Variants in SMAP1 observed in about 807,000 individuals in gnomAD.
The protein encoded by SMAP1 is small ArfGAP 1.
Under a neutral mutation model 58.5 loss-of-function variants are expected in SMAP1, and 24 were observed. That is an observed-to-expected ratio of 0.41 (90% CI 0.30 to 0.58). The LOEUF (loss-of-function observed/expected upper bound fraction) is 0.58. Ranked by LOEUF, SMAP1 falls within the 20% of genes least tolerant of loss-of-function variation. The pLI is 0.29. For synonymous variants in SMAP1, 216 were observed against 196.6 expected (o/e 1.10, Z -0.82); for missense variants, 563 against 566.3 (o/e 0.99, Z 0.06).
chr6:70,668,825 G>T, intron 1 of SMAP1: 1 of 1,232,582 alleles, frequency 8.1e-7, no homozygotes, highest in Non-Finnish European at 1.1e-6. Flanking sequence ...TTCATTACAT[G>T]AGTCTCTTGG....
At chr6:70,829,796 A>T (rs1387829145) in intron 6 of SMAP1, among the ~76,000 whole-genome samples, 1 of 152,236 alleles carries the variant, frequency 6.6e-6, no homozygotes, top group Non-Finnish European at 1.5e-5. Flanking sequence ...AAAATTGTAT[A>T]GCTTTCCTAT....
chr6:70,758,538 T>G (rs923996639), intron 3 of SMAP1, among the ~76,000 whole-genome samples: 1 of 151,578 alleles, frequency 6.6e-6, no homozygotes, highest in East Asian at 1.9e-4. Context: ...AATAAATAAA[T>G]AAAAATAAAA....
chr6:70,668,811 G>A (rs1313092760), intron 1 of SMAP1: 24 of 1,371,878 alleles, frequency 1.7e-5, no homozygotes, highest in Middle Eastern at 1.9e-4. Context: ...GAATGAAGAG[G>A]AATTTCATTA....
chr6:70,685,145 G>A (rs1766882908), intron 1 of SMAP1, among the ~76,000 whole-genome samples: 1 of 151,642 alleles, frequency 6.6e-6, no homozygotes, highest in Admixed American at 6.6e-5. Context: ...TTTTTTTTGA[G>A]CACTCATTCA....
chr6:70,775,692 GT>G (rs1215817747), intron 4 of SMAP1, among the ~76,000 whole-genome samples: 4 of 152,052 alleles, frequency 2.6e-5, no homozygotes, highest in Non-Finnish European at 5.9e-5. Flanking sequence ...AGGCTTGAGA[GT>G]AAAAATTTTA....
chr6:70,687,560 G>A (rs1766984852), intron 1 of SMAP1, among the ~76,000 whole-genome samples: 1 of 152,028 alleles, frequency 6.6e-6, no homozygotes, highest in Non-Finnish European at 1.5e-5. Flanking sequence ...TGAGATAATA[G>A]CTTCTTTACT....
intron 6 of SMAP1, among the ~76,000 whole-genome samples, chr6:70,827,151 T>A (rs1475397627): frequency 6.6e-6 from 1 of 152,132 alleles, no homozygotes; most frequent in African/African-American, 2.4e-5. Context: ...GGAAGTTCTC[T>A]GCTTTCTTCA....
intron 1 of SMAP1, among the ~76,000 whole-genome samples, chr6:70,678,330 A>C (rs897811659): frequency 4.6e-5 from 7 of 152,198 alleles, no homozygotes; most frequent in African/African-American, 1.7e-4. Context: ...TAAACTTAAG[A>C]AAATAAGGGG....
At chr6:70,769,564 A>G (rs998374430) in intron 3 of SMAP1, among the ~76,000 whole-genome samples, 13 of 152,150 alleles carry the variant, frequency 8.5e-5, no homozygotes, top group South Asian at 2.1e-4. Context: ...ATCAGAGACT[A>G]GGATTGCAAC....
At chr6:70,680,972 C>T (rs1006308939) in intron 1 of SMAP1, among the ~76,000 whole-genome samples, 1 of 151,972 alleles carries the variant, frequency 6.6e-6, no homozygotes, top group African/African-American at 2.4e-5. Context: ...CCCGCCTTAG[C>T]CTCCCACAGT....
At chr6:70,668,417 C>A in intron 1 of SMAP1, 1 of 1,130,136 alleles carries the variant, frequency 8.8e-7, no homozygotes, top group Non-Finnish European at 1.2e-6. Context: ...GGTAGCGATG[C>A]TCGGACCCTC....
At chr6:70,769,678 C>T (rs1767182368) in intron 3 of SMAP1, among the ~76,000 whole-genome samples, 3 of 152,190 alleles carry the variant, frequency 2.0e-5, no homozygotes, top group African/African-American at 7.2e-5. Context: ...CTGAATACAG[C>T]ACACTGATGG....
chr6:70,790,226 C>T (rs930150785), intron 4 of SMAP1, among the ~76,000 whole-genome samples: 4 of 152,052 alleles, frequency 2.6e-5, no homozygotes, highest in Non-Finnish European at 4.4e-5. Flanking sequence ...CTGCAACCTC[C>T]GCCTCCCAGG....
intron 2 of SMAP1, among the ~76,000 whole-genome samples, chr6:70,735,579 G>A (rs1024957154): frequency 6.6e-6 from 1 of 152,160 alleles, no homozygotes; most frequent in Non-Finnish European, 1.5e-5. Context: ...GACCAGCCTG[G>A]CCAACATTAC....
At chr6:70,724,737 G>A (rs1298307275) in intron 1 of SMAP1, among the ~76,000 whole-genome samples, 1 of 152,058 alleles carries the variant, frequency 6.6e-6, no homozygotes, top group African/African-American at 2.4e-5. Context: ...CTTCTTTACA[G>A]GAAAACATGA....
At chr6:70,854,505 C>T (rs941160196) in intron 8 of SMAP1, among the ~76,000 whole-genome samples, 3 of 151,948 alleles carry the variant, frequency 2.0e-5, no homozygotes, top group Admixed American at 6.6e-5. Context: ...GCCTGTAATC[C>T]CAGTTACTCG....
chr6:70,835,030 A>G (rs2149996181), intron 6 of SMAP1, among the ~76,000 whole-genome samples: 1 of 151,852 alleles, frequency 6.6e-6, no homozygotes, highest in South Asian at 2.1e-4. Context: ...CTAGCGGATC[A>G]TGAGGTCAGG....
intron 6 of SMAP1, among the ~76,000 whole-genome samples, chr6:70,830,564 T>C (rs1254485900): frequency 2.0e-5 from 3 of 152,262 alleles, no homozygotes; most frequent in African/African-American, 7.2e-5. Flanking sequence ...ATTGATAGTT[T>C]ATGTATTCAT....
chr6:70,843,968 A>C (rs1317655167), intron 7 of SMAP1, among the ~76,000 whole-genome samples: 1 of 152,158 alleles, frequency 6.6e-6, no homozygotes, highest in Non-Finnish European at 1.5e-5. Flanking sequence ...TGAGTAACAC[A>C]CAGTAGGACT....
Sources: allele counts gnomAD v4.1 joint callset (sites outside exome capture counted in the v4.1 genomes callset), GRCh38; gene constraint gnomAD v4.1.1; transcripts MANE v1.5; gene names NCBI Gene and HGNC (gene_info 2026-07-23, HGNC 2026-07-21).